Variants in SEPTIN2 observed in about 807,000 individuals in gnomAD.
SEPTIN2 encodes septin 2.
Under a neutral mutation model 46.5 loss-of-function variants are expected in SEPTIN2, and 34 were observed. That is an observed-to-expected ratio of 0.73 (90% CI 0.56 to 0.97). SEPTIN2 has a LOEUF of 0.97. Ranked by LOEUF, SEPTIN2 falls within the 50% of genes least tolerant of loss-of-function variation. The probability of loss-of-function intolerance (pLI) is 0.00; values close to 1 mark genes in which losing one functional copy is unlikely to be tolerated. For synonymous variants in SEPTIN2, 175 were observed against 153.4 expected (o/e 1.14, Z -1.04); for missense variants, 347 against 448.4 (o/e 0.77, Z 2.04).
intron 2 of SEPTIN2, chr2:241,324,598 G>T (rs771821481): frequency 1.1e-5 from 4 of 354,586 alleles, no homozygotes; most frequent in South Asian, 2.2e-5. Context: ...TGTTGGCCAG[G>T]ATGGCCTTGA....
At chr2:241,327,101 T>G (rs2078116806) in intron 3 of SEPTIN2, among the ~76,000 whole-genome samples, 1 of 147,844 alleles carries the variant, frequency 6.8e-6, no homozygotes, top group African/African-American at 2.5e-5. Flanking sequence ...CAGTGTAACA[T>G]TCACAATGTC....
chr2:241,320,626 T>G (rs1030394704), intron 1 of SEPTIN2, among the ~76,000 whole-genome samples: 1 of 152,104 alleles, frequency 6.6e-6, no homozygotes, highest in Admixed American at 6.6e-5. Context: ...CCATCTCTAC[T>G]AAAAATACTA....
intron 1 of SEPTIN2, among the ~76,000 whole-genome samples, chr2:241,320,761 C>T (rs372791888): frequency 5.1e-4 from 77 of 152,266 alleles, no homozygotes; most frequent in African/African-American, 1.7e-3. Context: ...TGCACTCCAG[C>T]CTGGGCAACA....
chr2:241,316,248 G>A, intron 1 of SEPTIN2: 1 of 393,968 alleles, frequency 2.5e-6, no homozygotes, highest in Non-Finnish European at 4.6e-6. Context: ...GTGACCCCTT[G>A]TTGACCCTGC....
At chr2:241,323,923 C>G (rs1559598519) in intron 1 of SEPTIN2, among the ~76,000 whole-genome samples, 1 of 152,140 alleles carries the variant, frequency 6.6e-6, no homozygotes, top group Non-Finnish European at 1.5e-5. Context: ...CTCTCATCTC[C>G]CAGTCATTTA....
rs932938028 is a variant in SEPTIN2, at chr2:241,353,750, G to A, written c.*1813G>A. ...AAAAAAGAAAAACAAGTTTGCTAGT[G>A]ACTAAGCCCCGCATATGTGAGTGAA... On this transcript the variant is annotated 3_prime_UTR_variant, in exon 13 of 13. Transcript: ENST00000391971. 1 of 153,304 alleles carries A rather than the reference G, an allele frequency of 6.5e-6. No individual in the cohort carries two copies. Among genetic ancestry groups the A allele is most frequent in the African/African-American group, 2.4e-5 (1 of 41,438 alleles). The allele number at this position is 153,304 out of a possible 1,614,324, so 9.5% of individuals were successfully genotyped here.
intron 11 of SEPTIN2, among the ~76,000 whole-genome samples, chr2:241,349,058 A>G (rs924108456): frequency 6.6e-6 from 1 of 152,178 alleles, no homozygotes; most frequent in Non-Finnish European, 1.5e-5. Context: ...GATAAAGATG[A>G]ATTAACATTT....
Position 241,347,097 on chromosome 2 carries a change from T to A in SEPTIN2, c.926+848T>A, listed in dbSNP as rs974274222. 9.2e-5 allele frequency among the ~76,000 whole-genome samples: 14 copies of A among 152,012 alleles called. No homozygotes were observed. In the East Asian group the frequency reaches 1.2e-3, roughly 13 times the overall value. ...TAGGGAGACCTCGCCTCTATAAAAA[T>A]TTTTTTTAAATTAGCCAGATGTGGT... On this transcript the variant is annotated intron_variant, in intron 10 of 12. Coordinates refer to ENST00000391971, the MANE Select transcript of SEPTIN2 (RefSeq NM_004404.5).
intron 1 of SEPTIN2, among the ~76,000 whole-genome samples, chr2:241,318,072 T>C (rs1367340245): frequency 4.6e-5 from 7 of 151,544 alleles, no homozygotes; most frequent in African/African-American, 1.7e-4. Context: ...CATTTCACAT[T>C]AGTTAATAAA....
chr2:241,346,204 T>G lies in SEPTIN2; in HGVS notation c.881T>G (p.Leu294Arg), dbSNP rs1333073249. Reference sequence around the variant, plus strand: ...GATCTCCAGGAGGTGACCCAGGACCTTCATTATGAAAACTTCCGTTCTGAG... The same window carrying G: ...GATCTCCAGGAGGTGACCCAGGACCGTCATTATGAAAACTTCCGTTCTGAG... ...MQDLQEVTQD[L>R]HYENFRSERL... is the part of the protein sequence containing the mutation. Residue 294 changes from leucine to arginine, a missense_variant, in exon 10 of 13, where the codon CTT (leucine) becomes CGT (arginine). Coordinates refer to ENST00000391971, the MANE Select transcript of SEPTIN2 (RefSeq NM_004404.5). 2 of 1,613,914 alleles carry G rather than the reference T, an allele frequency of 1.2e-6. No homozygotes were observed. Among genetic ancestry groups the G allele is most frequent in the Non-Finnish European group, 1.7e-6 (2 of 1,179,900 alleles).
At chr2:241,327,775 G>T (rs373318388) in intron 3 of SEPTIN2, among the ~76,000 whole-genome samples, 1 of 152,138 alleles carries the variant, frequency 6.6e-6, no homozygotes, top group African/African-American at 2.4e-5. Context: ...ATCAGGCCTG[G>T]TGTGGTGGCT....
At chr2:241,334,073 A>G (rs759463210) in intron 3 of SEPTIN2, among the ~76,000 whole-genome samples, 13 of 151,846 alleles carry the variant, frequency 8.6e-5, no homozygotes, top group East Asian at 1.9e-4. Flanking sequence ...GGGTCTCACT[A>G]TTTTGCCCAG....
intron 7 of SEPTIN2, among the ~76,000 whole-genome samples, chr2:241,339,197 C>T (rs1035734575): frequency 1.3e-5 from 2 of 150,136 alleles, no homozygotes; most frequent in African/African-American, 4.9e-5. Flanking sequence ...AGGTCGAGAC[C>T]AGCCTGGCCA....
At chr2:241,343,982 T>C (rs2081625087) in intron 9 of SEPTIN2, 85 bp downstream of exon 9, 1 of 1,503,712 alleles carries the variant, frequency 6.7e-7, no homozygotes, top group Non-Finnish European at 9.2e-7. Context: ...GCCCCCAAGA[T>C]AGTTGCAGCC....
chr2:241,336,694 C>G (rs2080054120), intron 5 of SEPTIN2: 1 of 170,944 alleles, frequency 5.8e-6, no homozygotes, highest in African/African-American at 2.4e-5. Flanking sequence ...TGTACTGTTT[C>G]CCAGCTCAGT....
chr2:241,320,209 G>A (rs757432902), intron 1 of SEPTIN2: 28 of 470,972 alleles, frequency 5.9e-5, no homozygotes, highest in African/African-American at 4.0e-4. Flanking sequence ...GTAGAGGCTT[G>A]GAATAGTTAA....
intron 2 of SEPTIN2, chr2:241,324,602 G>T: frequency 3.0e-6 from 1 of 334,398 alleles, no homozygotes; most frequent in Non-Finnish European, 5.8e-6. Flanking sequence ...GGCCAGGATG[G>T]CCTTGATCTG....
In SEPTIN2 at chr2:241,350,053, ATGTG is replaced by A; in HGVS notation, c.985-10_985-7del. The A allele has an allele frequency of 6.2e-7, 1 of 1,602,846 alleles. No individual in the cohort carries two copies. The highest frequency in any genetic ancestry group is 8.5e-7 in the Non-Finnish European group (1 of 1,171,368). Reference sequence around the variant, plus strand: ...AGACAGCAAACCTTGAAAACCTATAATGTGTGTGTGTGTTCACAGCTCCGCCGCA... The same window carrying A: ...AGACAGCAAACCTTGAAAACCTATAATGTGTGTGTTCACAGCTCCGCCGCA... On this transcript the variant is annotated splice_polypyrimidine_tract_variant and intron_variant, in intron 11 of 12. Transcript: ENST00000391971.
chr2:241,327,105 C>G (rs80148714), intron 3 of SEPTIN2, among the ~76,000 whole-genome samples: 6 of 135,030 alleles, frequency 4.4e-5, no homozygotes, highest in African/African-American at 8.4e-5. Context: ...GTAACATTCA[C>G]AATGTCTAAT....
Sources: allele counts gnomAD v4.1 joint callset (sites outside exome capture counted in the v4.1 genomes callset), GRCh38; gene constraint gnomAD v4.1.1; transcripts MANE v1.5; gene names NCBI Gene and HGNC (gene_info 2026-07-23, HGNC 2026-07-21).